UBE2E2: variants seen among roughly 807,000 people sequenced by gnomAD.
UBE2E2 encodes ubiquitin conjugating enzyme E2 E2.
Under a neutral mutation model 24.7 loss-of-function variants are expected in UBE2E2, and 6 were observed. The ratio of observed to expected loss-of-function variants is 0.24; its 90% CI spans 0.13 to 0.48. The LOEUF is 0.48. Among genes scored for constraint, UBE2E2 ranks in the 20% least tolerant of loss-of-function variants. The pLI, the probability that UBE2E2 is intolerant of heterozygous loss-of-function variation, is 0.99. For synonymous variants in UBE2E2, 104 were observed against 83.6 expected (o/e 1.24, Z -1.33); for missense variants, 169 against 245.0 (o/e 0.69, Z 2.07).
intron 3 of UBE2E2, among the ~76,000 whole-genome samples, chr3:23,451,546 C>G (rs1315873378): frequency 2.6e-5 from 4 of 152,124 alleles, no homozygotes; most frequent in Admixed American, 2.0e-4. Context: ...CGTGTTATCT[C>G]TTAAGGAGTC....
At chr3:23,425,992 G>A (rs1697916596) in intron 3 of UBE2E2, among the ~76,000 whole-genome samples, 1 of 152,024 alleles carries the variant, frequency 6.6e-6, no homozygotes, top group Non-Finnish European at 1.5e-5. Context: ...AGGGCTCTAG[G>A]GATAAAGTAG....
At chr3:23,410,085 C>T (rs1697463586) in intron 3 of UBE2E2, among the ~76,000 whole-genome samples, 2 of 152,120 alleles carry the variant, frequency 1.3e-5, no homozygotes, top group Non-Finnish European at 2.9e-5. Context: ...GGACACAGTT[C>T]AACCCAGTAT....
At chr3:23,264,953 T>C (rs367624309) in intron 3 of UBE2E2, among the ~76,000 whole-genome samples, 15 of 152,328 alleles carry the variant, frequency 9.8e-5, no homozygotes, top group South Asian at 2.1e-4. Flanking sequence ...CTGAAAAGTG[T>C]TCACTACATT....
chr3:23,338,605 G>A (rs1042932948), intron 3 of UBE2E2, among the ~76,000 whole-genome samples: 1 of 152,116 alleles, frequency 6.6e-6, no homozygotes, highest in Non-Finnish European at 1.5e-5. Context: ...ATTGGGGACT[G>A]GGACTGGGAC....
At position 23,415,604 on chromosome 3, in the gene UBE2E2, T is replaced by C. The variant is rs1002619384; in HGVS notation, c.228-84004T>C. ...GAGAAAAATGTTTGAAATCAGCAGT[T>C]AGTTTTTAAAGTAGATTACAGGTGA... On this transcript the variant is annotated intron_variant, in intron 3 of 5. Coordinates refer to ENST00000396703, the MANE Select transcript of UBE2E2 (RefSeq NM_152653.4). Among the ~76,000 whole-genome samples the C allele has an allele frequency of 9.9e-5, 15 of 152,182 alleles. 1 individual carries two copies. The highest frequency in any genetic ancestry group is 1.9e-4 in the Non-Finnish European group (13 of 68,026).
rs146638930 is a variant in UBE2E2 at position 23,317,953 on chromosome 3, G to A, written c.227+100641G>A. 7.4e-4 allele frequency among the ~76,000 whole-genome samples: 113 copies of A among 151,848 alleles called. 1 individual carries two copies. Among genetic ancestry groups the A allele is most frequent in the African/African-American group, 2.6e-3 (108 of 41,396 alleles). ...TTAGTTCTTATGAAGGTGCTTTTTT[G>A]TGTAGATAGTTGTTAAATTTGGTGT... is the stretch of plus-strand genomic sequence containing the variant. On this transcript the variant is annotated intron_variant, in intron 3 of 5. Coordinates refer to ENST00000396703, the MANE Select transcript of UBE2E2 (RefSeq NM_152653.4).
chr3:23,305,114 T>G (rs1559341251), intron 3 of UBE2E2, among the ~76,000 whole-genome samples: 2 of 152,212 alleles, frequency 1.3e-5, no homozygotes, highest in African/African-American at 4.8e-5. Flanking sequence ...GGTTTTTGTT[T>G]GAAAGGTCAA....
intron 3 of UBE2E2, among the ~76,000 whole-genome samples, chr3:23,310,970 T>C (rs897941102): frequency 1.3e-5 from 2 of 152,112 alleles, no homozygotes; most frequent in Non-Finnish European, 2.9e-5. Context: ...AACTTGTCAT[T>C]TACATTAGGT....
At chr3:23,344,691 C>CA (rs1553604060) in intron 3 of UBE2E2, among the ~76,000 whole-genome samples, 1 of 149,914 alleles carries the variant, frequency 6.7e-6, no homozygotes, top group Admixed American at 6.7e-5. Context: ...AACCTTGTTT[C>CA]AAAAAAAATA....
intron 4 of UBE2E2, among the ~76,000 whole-genome samples, chr3:23,512,195 C>CTTTTTTTTT (rs5847236): frequency 7.4e-6 from 1 of 135,928 alleles, no homozygotes; most frequent in Non-Finnish European, 1.6e-5. Context: ...GCCTGCCTGC[C>CTTTTTTTTT]TTTTTTTTTT....
intron 5 of UBE2E2, among the ~76,000 whole-genome samples, chr3:23,573,254 A>G (rs1696266586): frequency 6.6e-6 from 1 of 152,354 alleles, no homozygotes; most frequent in South Asian, 2.1e-4. Flanking sequence ...CTGTAAATAT[A>G]GGAGAAAGTA....
chr3:23,217,264 T>C lies in UBE2E2; in HGVS notation c.179T>C (p.Ile60Thr). The change falls in exon 3 of 6, where the codon ATT becomes ACT. Residue 60 changes from isoleucine (I) to threonine (T), a missense_variant and splice_region_variant. Coordinates refer to ENST00000396703, the MANE Select transcript of UBE2E2 (RefSeq NM_152653.4). ...TGTTCTTTGTCTTTATTTTAAAGAA[T>C]TCAGAAGGAACTTGCAGAAATCACA... ...AAKLSTSAKR[I>T]QKELAEITLD... 2 of 1,612,348 alleles carry C rather than the reference T, an allele frequency of 1.2e-6. No individual in the cohort carries two copies. Among genetic ancestry groups the C allele is most frequent in the South Asian group, 1.1e-5 (1 of 91,000 alleles).
intron 3 of UBE2E2, among the ~76,000 whole-genome samples, chr3:23,441,659 G>A (rs1208814748): frequency 6.6e-6 from 1 of 152,120 alleles, no homozygotes; most frequent in Admixed American, 6.5e-5. Flanking sequence ...CATGTGGTTG[G>A]GGCAGGCCTC....
At chr3:23,297,909 C>T (rs899536232) in intron 3 of UBE2E2, among the ~76,000 whole-genome samples, 3 of 152,044 alleles carry the variant, frequency 2.0e-5, no homozygotes, top group African/African-American at 7.3e-5. Flanking sequence ...TTGATTCTTC[C>T]TACCCATGAG....
Position 23,590,292 on chromosome 3 carries a change from T to C in UBE2E2, c.*461T>C, listed in dbSNP as rs1696731402. On this transcript the variant is annotated 3_prime_UTR_variant, in exon 6 of 6. Coordinates refer to ENST00000396703, the MANE Select transcript of UBE2E2 (RefSeq NM_152653.4). Reference sequence around the variant, plus strand: ...CTCGTTTCTACTTAAATGTAGTGCTTAGGGTTAATTTTTTGTACTGAAGTC... The same window carrying C: ...CTCGTTTCTACTTAAATGTAGTGCTCAGGGTTAATTTTTTGTACTGAAGTC... 1 of 156,884 alleles carries C rather than the reference T, an allele frequency of 6.4e-6. No individual in the cohort carries two copies. The highest frequency in any genetic ancestry group is 6.2e-5 in the Admixed American group (1 of 16,114). The allele number at this position is 156,884 out of a possible 1,614,324, so 9.7% of individuals were successfully genotyped here.
intron 3 of UBE2E2, among the ~76,000 whole-genome samples, chr3:23,252,819 T>C (rs1328832668): frequency 6.6e-6 from 1 of 152,178 alleles, no homozygotes; most frequent in African/African-American, 2.4e-5. Context: ...TAAACCATAT[T>C]ATTTATGTCC....
chr3:23,519,039 G>A (rs13315798), intron 4 of UBE2E2, among the ~76,000 whole-genome samples: 1,579 of 152,190 alleles, frequency 0.01, 27 homozygotes, highest in African/African-American at 0.034. Flanking sequence ...TAAACTGCAG[G>A]ATGAAAGACC....
intron 3 of UBE2E2, among the ~76,000 whole-genome samples, chr3:23,248,524 C>T (rs563066316): frequency 6.6e-6 from 1 of 152,310 alleles, no homozygotes; most frequent in Non-Finnish European, 1.5e-5. Flanking sequence ...GGCATTAGAA[C>T]CGCCTTTAGA....
intron 3 of UBE2E2, among the ~76,000 whole-genome samples, chr3:23,284,700 A>G (rs189028711): frequency 1.3e-5 from 2 of 151,956 alleles, no homozygotes; most frequent in African/African-American, 4.8e-5. Context: ...GTGGGTACAT[A>G]GTAGGTGGTG....
Sources: allele counts gnomAD v4.1 joint callset (sites outside exome capture counted in the v4.1 genomes callset), GRCh38; gene constraint gnomAD v4.1.1; transcripts MANE v1.5; gene names NCBI Gene and HGNC (gene_info 2026-07-23, HGNC 2026-07-21).